RGS7: variants seen among roughly 807,000 people sequenced by gnomAD.
RGS7 encodes the protein regulator of G protein signaling 7.
Under a neutral mutation model 81.1 loss-of-function variants are expected in RGS7, and 27 were observed. That is an observed-to-expected ratio of 0.33 (90% CI 0.25 to 0.46). The LOEUF is 0.46. Among genes scored for constraint, RGS7 ranks in the 20% least tolerant of loss-of-function variants. The probability of loss-of-function intolerance (pLI) is 1.00; values close to 1 mark genes in which losing one functional copy is unlikely to be tolerated. For synonymous variants in RGS7, 208 were observed against 207.7 expected (o/e 1.00, Z -0.01); for missense variants, 396 against 607.4 (o/e 0.65, Z 3.66).
chr1:240,998,534 G>T, intron 3 of RGS7: 1 of 934,946 alleles, frequency 1.1e-6, no homozygotes, highest in Non-Finnish European at 1.7e-6. Context: ...AGCTGGAGCA[G>T]CAGCAGCAGA....
At chr1:240,963,684 G>A (rs1184924783) in intron 4 of RGS7, among the ~76,000 whole-genome samples, 1 of 152,202 alleles carries the variant, frequency 6.6e-6, no homozygotes, top group African/African-American at 2.4e-5. Flanking sequence ...ATAAACTTGA[G>A]AGAGAGGAAT....
At chr1:240,814,375 C>G (rs957475306) in intron 12 of RGS7, among the ~76,000 whole-genome samples, 2 of 152,150 alleles carry the variant, frequency 1.3e-5, no homozygotes, top group East Asian at 1.9e-4. Context: ...TAGAGAGGCT[C>G]CAGTTTGCCC....
At chr1:240,906,655 T>A (rs1051368244) in intron 6 of RGS7, among the ~76,000 whole-genome samples, 1 of 152,262 alleles carries the variant, frequency 6.6e-6, no homozygotes, top group African/African-American at 2.4e-5. Context: ...GTGTTATCAC[T>A]GTTGCTTTTA....
intron 2 of RGS7, among the ~76,000 whole-genome samples, chr1:241,225,495 C>T (rs1269271038): frequency 3.9e-5 from 6 of 152,168 alleles, no homozygotes; most frequent in Non-Finnish European, 8.8e-5. Flanking sequence ...ACGCTTCTCA[C>T]GTTCACTGCT....
intron 4 of RGS7, among the ~76,000 whole-genome samples, chr1:240,978,950 A>G (rs1266502674): frequency 6.6e-6 from 1 of 152,180 alleles, no homozygotes; most frequent in Non-Finnish European, 1.5e-5. Flanking sequence ...CAACTAGGAA[A>G]AACCTGAATC....
At chr1:240,785,816 T>C (rs1040985517) in intron 18 of RGS7, among the ~76,000 whole-genome samples, 7 of 152,210 alleles carry the variant, frequency 4.6e-5, no homozygotes, top group Non-Finnish European at 1.0e-4. Context: ...ATGAAATCAG[T>C]TCTTCCAGGT....
At chr1:240,966,348 C>T (rs1682296780) in intron 4 of RGS7, among the ~76,000 whole-genome samples, 1 of 152,094 alleles carries the variant, frequency 6.6e-6, no homozygotes, top group South Asian at 2.1e-4. Flanking sequence ...GTTAATATGA[C>T]ATTATTTTAG....
At chr1:241,047,457 T>C (rs1174827250) in intron 3 of RGS7, among the ~76,000 whole-genome samples, 1 of 149,642 alleles carries the variant, frequency 6.7e-6, no homozygotes, top group Non-Finnish European at 1.5e-5. Flanking sequence ...GATTACCTGT[T>C]AAACACGTTT....
intron 3 of RGS7, among the ~76,000 whole-genome samples, chr1:241,093,945 G>C (rs888422351): frequency 6.6e-6 from 1 of 152,098 alleles, no homozygotes; most frequent in Non-Finnish European, 1.5e-5. Flanking sequence ...AGCTAGAAAA[G>C]GGAAGTCGAA....
chr1:241,313,896 G>A (rs534556422), intron 2 of RGS7, among the ~76,000 whole-genome samples: 1 of 152,324 alleles, frequency 6.6e-6, no homozygotes, highest in South Asian at 2.1e-4. Context: ...AGCGGTGGAA[G>A]TCACTGCAGA....
Position 241,031,106 on chromosome 1 carries a change from C to T in RGS7, c.176-47977G>A, listed in dbSNP as rs567541587. The stretch of plus-strand genomic sequence containing the variant: ...TTGTACTCATTAAGTAATTTCTCAT[C>T]CTTCACTCCCCTTCCTGCTTCCTCC... On this transcript the variant is annotated intron_variant, in intron 3 of 18. Coordinates refer to ENST00000440928, the MANE Select transcript of RGS7 (RefSeq NM_001364886.1). 3.9e-5 allele frequency among the ~76,000 whole-genome samples: 6 copies of T among 152,280 alleles called. No homozygotes were observed. In the South Asian group the frequency reaches 1.2e-3, roughly 32 times the overall value.
chr1:240,858,993 C>T (rs1020581838), intron 9 of RGS7, among the ~76,000 whole-genome samples: 6 of 152,108 alleles, frequency 3.9e-5, no homozygotes, highest in African/African-American at 1.2e-4. Context: ...TGGGGTAATG[C>T]TAGCCTCATA....
At chr1:241,108,874 T>C (rs538173552) in intron 2 of RGS7, among the ~76,000 whole-genome samples, 3 of 152,278 alleles carry the variant, frequency 2.0e-5, no homozygotes, top group East Asian at 1.9e-4. Flanking sequence ...CTTGACAATT[T>C]TAACCTTTCT....
At chr1:240,857,862 G>T (rs968272527) in intron 9 of RGS7, among the ~76,000 whole-genome samples, 1 of 152,060 alleles carries the variant, frequency 6.6e-6, no homozygotes, top group Non-Finnish European at 1.5e-5. Context: ...CCCCCACGTT[G>T]TTCTCATGAT....
At chr1:240,918,306 A>G (rs539896165) in intron 6 of RGS7, among the ~76,000 whole-genome samples, 1 of 152,316 alleles carries the variant, frequency 6.6e-6, no homozygotes, top group African/African-American at 2.4e-5. Context: ...ATCTATAGTC[A>G]TCTCAAGTTC....
chr1:240,801,054 G>A (rs371092079), intron 17 of RGS7, among the ~76,000 whole-genome samples: 1 of 151,934 alleles, frequency 6.6e-6, no homozygotes, highest in South Asian at 2.1e-4. Flanking sequence ...GAAGTAAAAC[G>A]CATAGAACCC....
chr1:240,964,940 T>C lies in RGS7; in HGVS notation c.226+18139A>G, dbSNP rs145809746. On this transcript the variant is annotated intron_variant, in intron 4 of 18. Transcript: ENST00000440928. ...GGACACTTGTTCTGTTCTGTTCTCT[T>C]GGGTAAGTGTCATGTGTGGTTTAAA... 9.3e-4 allele frequency among the ~76,000 whole-genome samples: 142 copies of C among 152,314 alleles called. 3 individuals carry two copies. In the East Asian group the frequency reaches 0.026, roughly 28 times the overall value.
chr1:240,945,932 C>T (rs1678524126), intron 4 of RGS7, among the ~76,000 whole-genome samples: 1 of 151,732 alleles, frequency 6.6e-6, no homozygotes, highest in Non-Finnish European at 1.5e-5. Context: ...TTTAGAATAC[C>T]TAAAATCTAA....
intron 4 of RGS7, among the ~76,000 whole-genome samples, chr1:240,970,117 T>C (rs1373501312): frequency 6.6e-6 from 1 of 152,206 alleles, no homozygotes; most frequent in Non-Finnish European, 1.5e-5. Context: ...ACATCCAGCA[T>C]GGTACCTGGG....
Sources: gnomAD v4.1 joint callset for allele counts (sites outside exome capture counted in the v4.1 genomes callset) on GRCh38, gnomAD v4.1.1 for gene constraint, MANE v1.5 for transcripts, NCBI Gene and HGNC (gene_info 2026-07-23, HGNC 2026-07-21) for gene names.